SV2C: variants seen among roughly 807,000 people sequenced by gnomAD.
SV2C encodes the protein synaptic vesicle glycoprotein 2C.
SV2C carries 49 observed loss-of-function variants against 79.7 expected under a neutral mutation model. That is an observed-to-expected ratio of 0.61 (90% CI 0.49 to 0.78). SV2C has a LOEUF of 0.78. SV2C is among the 30% of genes least tolerant of loss of function. The pLI is 0.00. For synonymous variants in SV2C, 334 were observed against 333.2 expected, an observed-to-expected ratio of 1.00 and a Z score of -0.03; for missense variants, 833 against 912.9, an observed-to-expected ratio of 0.91 and a Z score of 1.13.
intron 4 of SV2C, among the ~76,000 whole-genome samples, chr5:76,258,182 C>G (rs180854607): frequency 1.3e-5 from 2 of 151,542 alleles, no homozygotes; most frequent in East Asian, 3.9e-4. Flanking sequence ...AGGTGAAGTA[C>G]TCTTTCGACC....
intron 4 of SV2C, among the ~76,000 whole-genome samples, chr5:76,257,663 T>C (rs1579994653): frequency 6.7e-6 from 1 of 150,150 alleles, no homozygotes. Context: ...CATGGAAGTG[T>C]GGCGTGTGTG....
chr5:75,998,374 G>A, the SV2C span, among the ~76,000 whole-genome samples: 1 of 151,970 alleles, frequency 6.6e-6, no homozygotes, highest in African/African-American at 2.4e-5. Context: ...GGGTAGTAGA[G>A]AAATACTGAG....
intron 4 of SV2C, chr5:76,242,270 T>C (rs1745811201): frequency 1.0e-5 from 12 of 1,188,830 alleles, no homozygotes; most frequent in East Asian, 4.7e-5. Context: ...TCCCTTAGCA[T>C]CCCCTTCAGC....
the SV2C span, among the ~76,000 whole-genome samples, chr5:76,016,798 C>T: frequency 1.3e-5 from 2 of 152,314 alleles, no homozygotes; most frequent in African/African-American, 4.8e-5. Flanking sequence ...CTGCATGAAA[C>T]ATTGTCCTTT....
At chr5:76,145,152 G>A (rs1396346537) in intron 2 of SV2C, among the ~76,000 whole-genome samples, 2 of 152,186 alleles carry the variant, frequency 1.3e-5, no homozygotes, top group Non-Finnish European at 2.9e-5. Context: ...TAGGTACATA[G>A]CAGAAGAGCA....
the SV2C span, among the ~76,000 whole-genome samples, chr5:75,989,238 AT>A: frequency 6.6e-6 from 1 of 151,756 alleles, no homozygotes; most frequent in Non-Finnish European, 1.5e-5. Context: ...TGCTGCAAAG[AT>A]TATCTCATCA....
chr5:76,014,987 C>T, the SV2C span, among the ~76,000 whole-genome samples: 1 of 152,140 alleles, frequency 6.6e-6, no homozygotes, highest in Admixed American at 6.6e-5. Flanking sequence ...CCGTAGAAGA[C>T]ATAGTCATTG....
chr5:76,070,323 C>T, the SV2C span, among the ~76,000 whole-genome samples: 1 of 152,172 alleles, frequency 6.6e-6, no homozygotes, highest in Non-Finnish European at 1.5e-5. Flanking sequence ...CAGGAAATCT[C>T]GCACCACAGA....
the SV2C span, among the ~76,000 whole-genome samples, chr5:75,969,387 GAT>G: frequency 6.2e-4 from 94 of 152,196 alleles, no homozygotes; most frequent in Non-Finnish European, 1.2e-3. Context: ...TGGCAAATTG[GAT>G]AGAGTCAAGA....
intron 1 of SV2C, among the ~76,000 whole-genome samples, chr5:76,111,637 C>G (rs903596358): frequency 7.2e-5 from 11 of 152,136 alleles, no homozygotes; most frequent in African/African-American, 2.7e-4. Context: ...GCTCACTACT[C>G]AGTGACAGCA....
At chr5:75,902,637 T>C in the SV2C span, among the ~76,000 whole-genome samples, 143 of 152,356 alleles carry the variant, frequency 9.4e-4, 1 homozygote, top group African/African-American at 1.3e-3. Flanking sequence ...TCTGTTTCCA[T>C]TGTAGTTTGC....
chr5:76,272,176 A>G (rs993482123), intron 4 of SV2C, among the ~76,000 whole-genome samples: 2 of 152,220 alleles, frequency 1.3e-5, no homozygotes, highest in African/African-American at 4.8e-5. Context: ...CCCTTTGGGC[A>G]TCAGCAACAA....
chr5:76,286,987 C>T (rs991216548), intron 6 of SV2C, among the ~76,000 whole-genome samples: 12 of 152,084 alleles, frequency 7.9e-5, no homozygotes, highest in African/African-American at 2.2e-4. Context: ...GGTGGGGACA[C>T]GGCCAAACCA....
At chr5:76,238,263 G>T (rs1380847741) in intron 4 of SV2C, among the ~76,000 whole-genome samples, 1 of 151,496 alleles carries the variant, frequency 6.6e-6, no homozygotes, top group African/African-American at 2.4e-5. Flanking sequence ...TTTTATTTCT[G>T]TTATTACTAT....
At position 76,304,076 on chromosome 5, in the gene SV2C, G is replaced by A. The variant is rs368542438; in HGVS notation, c.2000+2531G>A. On this transcript the variant is annotated intron_variant, in intron 12 of 12. Transcript: ENST00000502798. ...AATAGTCCTGTCAGGTCCAGTCATT[G>A]TCTGGGAGCAGCATGTGGGAAAACA... is the stretch of plus-strand genomic sequence containing the variant. 9.2e-5 allele frequency among the ~76,000 whole-genome samples: 14 copies of A among 152,346 alleles called. No individual in the cohort carries two copies. The East Asian group carries it at 2.7e-3, about 29-fold the overall frequency.
At chr5:76,121,123 G>C (rs1748479703) in intron 1 of SV2C, among the ~76,000 whole-genome samples, 1 of 151,264 alleles carries the variant, frequency 6.6e-6, no homozygotes, top group South Asian at 2.1e-4. Context: ...GGCCAGTGAT[G>C]ATGAGCATTT....
At chr5:75,916,529 C>T in the SV2C span, among the ~76,000 whole-genome samples, 2 of 152,000 alleles carry the variant, frequency 1.3e-5, no homozygotes, top group Admixed American at 6.6e-5. Context: ...GTCTGGAGTA[C>T]AGTGGCACAA....
At chr5:75,912,532 A>C in the SV2C span, among the ~76,000 whole-genome samples, 3 of 151,444 alleles carry the variant, frequency 2.0e-5, no homozygotes, top group African/African-American at 4.9e-5. Flanking sequence ...GAAATAGAAA[A>C]CCCCCCACAA....
chr5:75,913,194 G>A, the SV2C span, among the ~76,000 whole-genome samples: 1 of 152,228 alleles, frequency 6.6e-6, no homozygotes, highest in African/African-American at 2.4e-5. Context: ...GGCTTTCCAA[G>A]TGATAGTATC....
Sources: allele counts gnomAD v4.1 joint callset (sites outside exome capture counted in the v4.1 genomes callset), GRCh38; gene constraint gnomAD v4.1.1; transcripts MANE v1.5; gene names NCBI Gene and HGNC (gene_info 2026-07-23, HGNC 2026-07-21).